Variants in ROCK2 observed in about 807,000 individuals in gnomAD.
ROCK2 encodes rho-associated protein kinase 2.
A neutral mutation model predicts 195.1 loss-of-function variants in ROCK2; 61 were observed. The observed-to-expected ratio is 0.31, with a 90% CI of 0.25 to 0.39. The LOEUF (loss-of-function observed/expected upper bound fraction) is 0.39, where lower values mean the gene tolerates loss of function less well. Ranked by LOEUF, ROCK2 falls within the 10% of genes least tolerant of loss-of-function variation. The pLI is 1.00. For missense variants in ROCK2, 1,109 were observed against 1,637.4 expected, an observed-to-expected ratio of 0.68 and a Z score of 5.57; for synonymous variants, 504 against 545.5, an observed-to-expected ratio of 0.92 and a Z score of 1.06.
At chr2:11,263,820 T>C (rs1666322082) in intron 3 of ROCK2, among the ~76,000 whole-genome samples, 1 of 151,320 alleles carries the variant, frequency 6.6e-6, no homozygotes, top group Non-Finnish European at 1.5e-5. Context: ...TCATAGTTCA[T>C]TTGGTTGGAA....
rs950395564 is a variant in ROCK2, at chr2:11,182,699, T to A, written c.*738A>T. ...CTTTGAAAAAAATTAAATTAAGGCA[T>A]TCAAAATGGGTAAAGTTGCCTATCA... On this transcript the variant is annotated 3_prime_UTR_variant, in exon 33 of 33. Transcript: ENST00000315872. The A allele has an allele frequency of 1.3e-5, 2 of 152,566 alleles. No homozygotes were observed. The highest frequency in any genetic ancestry group is 2.9e-5 in the Non-Finnish European group (2 of 68,034). The allele number at this position is 152,566 out of a possible 1,614,324, so 9.5% of individuals were successfully genotyped here. A position where few individuals can be genotyped will look rare whatever the true frequency, so the allele number is the denominator to read the frequency against.
At chr2:11,230,431 T>C (rs1664962181) in intron 5 of ROCK2, among the ~76,000 whole-genome samples, 1 of 152,182 alleles carries the variant, frequency 6.6e-6, no homozygotes, top group South Asian at 2.1e-4. Flanking sequence ...TTAGACAGCA[T>C]ATACGTAGGC....
At position 11,219,871 on chromosome 2, in the gene ROCK2, T is replaced by G. The variant is rs77502984; in HGVS notation, c.1260-845A>C. 2.6e-3 allele frequency among the ~76,000 whole-genome samples: 390 copies of G among 151,588 alleles called. 4 individuals carry two copies. The East Asian group carries it at 0.034, about 13-fold the overall frequency. On this transcript the variant is annotated intron_variant, in intron 9 of 32. Transcript: ENST00000315872. Reference sequence around the variant, plus strand: ...CTTCCCCAAAACTCACTTTTTTTTTTTTTTTTTTTAAGACATGGTCTCATT... The same window carrying G: ...CTTCCCCAAAACTCACTTTTTTTTTGTTTTTTTTTAAGACATGGTCTCATT...
chr2:11,248,700 C>T (rs1398826243), intron 4 of ROCK2, among the ~76,000 whole-genome samples: 1 of 55,144 alleles, frequency 1.8e-5, no homozygotes, highest in Non-Finnish European at 2.9e-5. Flanking sequence ...CAGAGCAAGA[C>T]TTCATCTCAA....
intron 6 of ROCK2, among the ~76,000 whole-genome samples, chr2:11,226,192 C>A (rs1164144875): frequency 3.9e-5 from 6 of 152,178 alleles, no homozygotes; most frequent in Admixed American, 2.6e-4. Flanking sequence ...CCCTCATCCC[C>A]ATGCCACGTC....
intron 1 of ROCK2, among the ~76,000 whole-genome samples, chr2:11,331,271 C>T (rs887258302): frequency 6.6e-6 from 1 of 152,108 alleles, no homozygotes; most frequent in Non-Finnish European, 1.5e-5. Flanking sequence ...CACACTGATA[C>T]ACCTGTGAAC....
rs182888595 is a variant in ROCK2, at chr2:11,265,268, T to C, written c.325-15470A>G. 3.7e-3 allele frequency among the ~76,000 whole-genome samples: 558 copies of C among 152,306 alleles called. 1 individual carries two copies. Among genetic ancestry groups the C allele is most frequent in the African/African-American group, 0.011 (474 of 41,558 alleles). On this transcript the variant is annotated intron_variant, in intron 3 of 32. Coordinates refer to ENST00000315872, the MANE Select transcript of ROCK2 (RefSeq NM_004850.5). ...TTAAGACTTAAATATATTACATTTA[T>C]CTTCAGAAATGGGCAAGTTGGAAAT...
At chr2:11,310,940 G>C (rs1038321868) in intron 1 of ROCK2, among the ~76,000 whole-genome samples, 41 of 151,466 alleles carry the variant, frequency 2.7e-4, no homozygotes, top group African/African-American at 9.9e-4. Flanking sequence ...TATGACTCAA[G>C]TTTCATTTAG....
At chr2:11,334,767 G>A (rs896525686) in intron 1 of ROCK2, among the ~76,000 whole-genome samples, 11 of 150,474 alleles carry the variant, frequency 7.3e-5, no homozygotes, top group South Asian at 2.1e-4. Flanking sequence ...AGAACACTTC[G>A]CTAATTCATT....
intron 1 of ROCK2, among the ~76,000 whole-genome samples, chr2:11,323,221 A>G (rs980903619): frequency 2.0e-5 from 3 of 152,216 alleles, no homozygotes; most frequent in African/African-American, 7.2e-5. Context: ...TCATAATGAA[A>G]AAAAGAATAC....
At chr2:11,208,620 C>G (rs1173496913) in intron 18 of ROCK2, among the ~76,000 whole-genome samples, 173 bp from the exon 19 acceptor site, 1 of 135,074 alleles carries the variant, frequency 7.4e-6, no homozygotes, top group East Asian at 2.1e-4. Context: ...TTTTTTGAGA[C>G]AGAGTCTCAC....
intron 18 of ROCK2, among the ~76,000 whole-genome samples, chr2:11,208,923 T>C (rs1352859472): frequency 2.6e-5 from 4 of 152,224 alleles, no homozygotes; most frequent in East Asian, 1.9e-4. Context: ...TTCACTTTCA[T>C]ACTTGAAAAT....
chr2:11,317,710 C>T (rs1467347053), intron 1 of ROCK2, among the ~76,000 whole-genome samples: 2 of 147,592 alleles, frequency 1.4e-5, no homozygotes, highest in Non-Finnish European at 1.5e-5. Context: ...TCGTGTGCTG[C>T]ACCCATTAAC....
intron 1 of ROCK2, among the ~76,000 whole-genome samples, chr2:11,318,303 T>C (rs145457985): frequency 0.39 from 58,996 of 152,054 alleles, 13,310 homozygotes; most frequent in Admixed American, 0.52. Context: ...ATGATAGCCA[T>C]TCTAACTGGT....
chr2:11,308,170 A>T (rs1324816377), intron 1 of ROCK2: 87 of 1,601,098 alleles, frequency 5.4e-5, no homozygotes, highest in Middle Eastern at 4.5e-4. Flanking sequence ...GCCCAAGCTC[A>T]ACACAATAAT....
At chr2:11,294,662 G>A (rs1187860503) in intron 1 of ROCK2, among the ~76,000 whole-genome samples, 1 of 151,934 alleles carries the variant, frequency 6.6e-6, no homozygotes, top group Non-Finnish European at 1.5e-5. Context: ...GGGAAGATAT[G>A]AATCAAATTG....
chr2:11,205,916 C>A (rs1342734695), intron 20 of ROCK2, among the ~76,000 whole-genome samples: 1 of 152,124 alleles, frequency 6.6e-6, no homozygotes, highest in Non-Finnish European at 1.5e-5. Flanking sequence ...CAAGACCACC[C>A]TGGCCAACAT....
rs1055635985 is a variant in ROCK2, at chr2:11,181,177, T to TAAAA, written c.*2256_*2259dup. 1 of 99,660 alleles carries TAAAA rather than the reference T, an allele frequency of 1.0e-5. No homozygotes were observed. Among genetic ancestry groups the TAAAA allele is most frequent in the Non-Finnish European group, 2.0e-5 (1 of 50,656 alleles). 6.2% of individuals were successfully genotyped at this position (99,660 alleles called of 1,614,324 possible). On this transcript the variant is annotated 3_prime_UTR_variant, in exon 33 of 33. Transcript: ENST00000315872. The stretch of plus-strand genomic sequence containing the variant: ...ATTATTTCACCTTAATAAAGTTTAT[T>TAAAA]AAAAATATATATATATATATATATA...
At chr2:11,223,990 A>G (rs939421691) in intron 7 of ROCK2, among the ~76,000 whole-genome samples, 2 of 152,324 alleles carry the variant, frequency 1.3e-5, no homozygotes, top group African/African-American at 2.4e-5. Flanking sequence ...CAAAAGTTAT[A>G]TAAGAGTAAT....
Sources: gnomAD v4.1 joint callset for allele counts (sites outside exome capture counted in the v4.1 genomes callset) on GRCh38, gnomAD v4.1.1 for gene constraint, MANE v1.5 for transcripts, NCBI Gene and HGNC (gene_info 2026-07-23, HGNC 2026-07-21) for gene names.